Variants in LRRC75A observed in about 807,000 individuals in gnomAD.
LRRC75A encodes leucine-rich repeat-containing protein 75A.
LRRC75A carries 12 observed loss-of-function variants against 26.0 expected under a neutral mutation model. The ratio of observed to expected loss-of-function variants is 0.46; its 90% confidence interval spans 0.30 to 0.75. The LOEUF is 0.75. LRRC75A is among the 30% of genes least tolerant of loss of function. The pLI, the probability that LRRC75A is intolerant of heterozygous loss-of-function variation, is 0.08. For missense variants in LRRC75A, 410 were observed against 486.6 expected (o/e 0.84, Z 1.48); for synonymous variants, 223 against 219.3 (o/e 1.02, Z -0.15).
intron 3 of LRRC75A, among the ~76,000 whole-genome samples, chr17:16,444,417 G>GA (rs1346608545): frequency 1.3e-5 from 2 of 152,316 alleles, no homozygotes; most frequent in South Asian, 4.1e-4. Flanking sequence ...CTGATATATG[G>GA]AAGAAGTTCA....
chr17:16,451,971 T>G (rs1476904938), intron 2 of LRRC75A, among the ~76,000 whole-genome samples: 1 of 150,466 alleles, frequency 6.6e-6, no homozygotes, highest in East Asian at 2.0e-4. Flanking sequence ...ATGGTCTCGA[T>G]CTCCTGACCT....
At chr17:16,467,505 A>G (rs2093778482) in intron 1 of LRRC75A, among the ~76,000 whole-genome samples, 2 of 152,290 alleles carry the variant, frequency 1.3e-5, no homozygotes, top group African/African-American at 2.4e-5. Flanking sequence ...CACCCAGTAC[A>G]TGTTTCCCCC....
chr17:16,453,836 A>G (rs1300022723), intron 2 of LRRC75A, among the ~76,000 whole-genome samples: 3 of 152,112 alleles, frequency 2.0e-5, no homozygotes, highest in Non-Finnish European at 2.9e-5. Context: ...CAGAGAAACC[A>G]GAATTCTTCT....
intron 3 of LRRC75A, among the ~76,000 whole-genome samples, chr17:16,444,543 C>T (rs552870541): frequency 6.6e-6 from 1 of 152,222 alleles, no homozygotes; most frequent in South Asian, 2.1e-4. Context: ...AGCTCAGCCC[C>T]CATGAATGGC....
rs1217932466 is a variant in LRRC75A, at chr17:16,462,299, G to A, written c.334C>T (p.Leu112Phe). The A allele has an allele frequency of 6.2e-7, 1 of 1,614,174 alleles. No individual in the cohort carries two copies. The highest frequency in any genetic ancestry group is 2.2e-5 in the East Asian group (1 of 44,876). Residue 112 changes from leucine to phenylalanine, a missense_variant, in exon 2 of 4, where the codon CTC (leucine) becomes TTC (phenylalanine). By Grantham distance (22) the Leu-to-Phe change is conservative. Coordinates refer to ENST00000470794, the MANE Select transcript of LRRC75A (RefSeq NM_001113567.3). This position sits in a 1 kb window ranked among gnomAD's most constrained non-coding sequence, Gnocchi z 4.6. Reference protein sequence around the residue: ...RNLVDPITHDLIISLARYIHC... With the variant: ...RNLVDPITHDFIISLARYIHC... ...ATGTAGCGTGCCAGGCTGATGATGA[G>A]GTCGTGTGTGATGGGGTCCACCAGG...
intron 1 of LRRC75A, among the ~76,000 whole-genome samples, chr17:16,488,799 C>A (rs1309153171): frequency 6.6e-6 from 1 of 152,222 alleles, no homozygotes; most frequent in Non-Finnish European, 1.5e-5. Flanking sequence ...CCTCCTGATA[C>A]CTCTCCAGCA....
chr17:16,445,976 T>C (rs1193607434), intron 3 of LRRC75A, among the ~76,000 whole-genome samples: 1 of 152,250 alleles, frequency 6.6e-6, no homozygotes, highest in Non-Finnish European at 1.5e-5. Flanking sequence ...TGGCATGATC[T>C]TGGCTCACTG....
In LRRC75A at chr17:16,462,478, G is replaced by A. The variant is rs2093735446; in HGVS notation, c.247-92C>T. The A allele has an allele frequency of 1.3e-6, 2 of 1,541,180 alleles. No individual in the cohort carries two copies. The highest frequency in any genetic ancestry group is 2.7e-5 in the African/African-American group (2 of 73,210). ...GAGAAGTAGGCACAGACCCCTAGAG[G>A]CGACTCTGCCTCCCAGAGCCCCGGT... is the stretch of plus-strand genomic sequence containing the variant. On this transcript the variant is annotated intron_variant, in intron 1 of 3. Coordinates refer to ENST00000470794, the MANE Select transcript of LRRC75A (RefSeq NM_001113567.3). This position sits in a 1 kb window ranked among gnomAD's most constrained non-coding sequence, Gnocchi z 4.6.
At chr17:16,485,647 T>A (rs955045478) in intron 1 of LRRC75A, among the ~76,000 whole-genome samples, 4 of 129,602 alleles carry the variant, frequency 3.1e-5, no homozygotes, top group African/African-American at 1.3e-4. Flanking sequence ...TGTGTGTGTG[T>A]GTGTGTGTGT....
intron 2 of LRRC75A, among the ~76,000 whole-genome samples, chr17:16,451,784 G>A (rs1469915736): frequency 6.7e-6 from 1 of 148,360 alleles, no homozygotes; most frequent in Admixed American, 6.8e-5. Context: ...TCGCTCTGTC[G>A]CCCAGGATGG....
rs1166002262 is a variant in LRRC75A, at chr17:16,443,462, A to G, written c.*126T>C. 1 of 800,386 alleles carries G rather than the reference A, an allele frequency of 1.2e-6. No individual in the cohort carries two copies. The highest frequency in any genetic ancestry group is 1.9e-6 in the Non-Finnish European group (1 of 526,840). The allele number at this position is 800,386 out of a possible 1,614,324, so 49.6% of individuals were successfully genotyped here. ...CAGATGATATGGTTTGCCTTTCTGT[A>G]GGTGGGTGGCCCAGGCCAATTTTTG... On this transcript the variant is annotated 3_prime_UTR_variant, in exon 4 of 4. Transcript: ENST00000470794.
chr17:16,444,248 T>C (rs138024264), intron 3 of LRRC75A, 117 bp from the exon 4 acceptor site: 5 of 854,654 alleles, frequency 5.9e-6, no homozygotes, highest in South Asian at 5.6e-5. Flanking sequence ...TACGAAACAC[T>C]TGGATGTCGG....
At chr17:16,463,001 G>A (rs898260466) in intron 1 of LRRC75A, 6 of 153,492 alleles carry the variant, frequency 3.9e-5, no homozygotes, top group African/African-American at 1.4e-4. Flanking sequence ...GCTACTAAGT[G>A]TGGTGGGGCC....
At position 16,443,592 on chromosome 17, in the gene LRRC75A, G is replaced by A. The variant is rs1355855163; in HGVS notation, c.1031C>T (p.Thr344Met). The A allele has an allele frequency of 2.6e-6, 4 of 1,521,460 alleles. No homozygotes were observed. The highest frequency in any genetic ancestry group is 3.6e-6 in the Non-Finnish European group (4 of 1,126,048). 94.2% of individuals were successfully genotyped at this position (1,521,460 alleles called of 1,614,324 possible). The change falls in exon 4 of 4, where the codon ACG (threonine) becomes ATG (methionine). Residue 344 changes from threonine (T) to methionine (M), a missense_variant. By Grantham distance (81) the Thr-to-Met change is moderately conservative. Transcript: ENST00000470794. The stretch of plus-strand genomic sequence containing the variant: ...GTGAGGCCCTTCACTTCCATGTCAC[G>A]TCTGAGCTGCAGCTACAGTCTCCTT... ...EGKETVAAAQ[T>M]
In LRRC75A at chr17:16,462,284, C is replaced by T; in HGVS notation, c.349G>A (p.Ala117Thr). Residue 117 changes from alanine to threonine, a missense_variant, in exon 2 of 4, where the codon GCA (alanine) becomes ACA (threonine). Physicochemically the swap from Ala to Thr is moderately conservative, Grantham distance 58. Transcript: ENST00000470794. This position sits in a 1 kb window ranked among gnomAD's most constrained non-coding sequence, Gnocchi z 4.6. ...PITHDLIISL[A>T]RYIHCPKPEG... is the part of the protein sequence containing the mutation. ...GGCTTGGGACAGTGGATGTAGCGTGCCAGGCTGATGATGAGGTCGTGTGTG... is the reference window on the plus strand; with the variant it reads ...GGCTTGGGACAGTGGATGTAGCGTGTCAGGCTGATGATGAGGTCGTGTGTG... 6.2e-7 allele frequency: 1 copy of T among 1,614,066 alleles called. No homozygotes were observed. Among genetic ancestry groups the T allele is most frequent in the Non-Finnish European group, 8.5e-7 (1 of 1,179,992 alleles).
intron 2 of LRRC75A, among the ~76,000 whole-genome samples, chr17:16,455,356 AG>A (rs35154689): frequency 0.39 from 59,052 of 151,392 alleles, 11,842 homozygotes; most frequent in African/African-American, 0.44. Flanking sequence ...ATAATGAGTG[AG>A]GGAAAAGTAC....
At chr17:16,447,007 C>T (rs2093591925) in intron 3 of LRRC75A, 2 of 336,254 alleles carry the variant, frequency 5.9e-6, no homozygotes, top group African/African-American at 2.3e-5. Context: ...GGGGGACAGC[C>T]CTTCCTTCCC....
At chr17:16,449,421 C>T (rs1278997001) in intron 2 of LRRC75A, among the ~76,000 whole-genome samples, 1 of 152,146 alleles carries the variant, frequency 6.6e-6, no homozygotes, top group Non-Finnish European at 1.5e-5. Context: ...CAGTACAGAC[C>T]TCACAAGAGT....
rs2093733173 is a variant in LRRC75A, at chr17:16,462,248, G to A, written c.375+10C>T. The A allele has an allele frequency of 1.2e-6, 2 of 1,613,966 alleles. No individual in the cohort carries two copies. The highest frequency in any genetic ancestry group is 1.7e-6 in the Non-Finnish European group (2 of 1,179,938). On this transcript the variant is annotated intron_variant, in intron 2 of 3. Coordinates refer to ENST00000470794, the MANE Select transcript of LRRC75A (RefSeq NM_001113567.3). This position sits in a 1 kb window ranked among gnomAD's most constrained non-coding sequence, Gnocchi z 4.6. ...CGGGACCTGGCTGGCTCGGACCACA[G>A]CCACCCTACCGGCTTGGGACAGTGG...
Sources: allele counts gnomAD v4.1 joint callset (sites outside exome capture counted in the v4.1 genomes callset), GRCh38; gene constraint gnomAD v4.1.1; non-coding constraint Gnocchi (gnomAD v3.1); transcripts MANE v1.5; gene names NCBI Gene and HGNC (gene_info 2026-07-23, HGNC 2026-07-21).